Variants in PITPNC1 observed in about 807,000 individuals in gnomAD.
PITPNC1 encodes the protein phosphatidylinositol transfer protein cytoplasmic 1, also known as cytoplasmic phosphatidylinositol transfer protein 1.
PITPNC1 carries 18 observed loss-of-function variants against 44.7 expected under a neutral mutation model. The ratio of observed to expected loss-of-function variants is 0.40; its 90% confidence interval spans 0.28 to 0.60. PITPNC1 has a LOEUF of 0.60. Among genes scored for constraint, PITPNC1 ranks in the 20% least tolerant of loss-of-function variants. The pLI is 0.39. For missense variants in PITPNC1, 290 were observed against 418.4 expected (o/e 0.69, Z 2.68); for synonymous variants, 141 against 149.6 (o/e 0.94, Z 0.42).
intron 5 of PITPNC1, among the ~76,000 whole-genome samples, chr17:67,595,125 A>G (rs1431585620): frequency 6.6e-6 from 1 of 152,208 alleles, no homozygotes; most frequent in Admixed American, 6.5e-5. Context: ...GGATATTGAG[A>G]TGTACATCAT....
rs183909885 is a variant in PITPNC1, at chr17:67,504,080, A to C, written c.49-28722A>C. On this transcript the variant is annotated intron_variant, in intron 1 of 8. Transcript: ENST00000581322. Reference sequence around the variant, plus strand: ...TTCTGTGCTTTGGGAGAGACAGAGAAATGAGGGGTGTGGAGGAAGGTCAGA... The same window carrying C: ...TTCTGTGCTTTGGGAGAGACAGAGACATGAGGGGTGTGGAGGAAGGTCAGA... Among the ~76,000 whole-genome samples the C allele has an allele frequency of 6.2e-4, 95 of 152,212 alleles. No homozygotes were observed. In the East Asian group the frequency reaches 0.015, roughly 24 times the overall value.
In PITPNC1 at chr17:67,377,875, G is replaced by T; in HGVS notation, c.-280G>T. The T allele has an allele frequency of 2.6e-6, 1 of 379,008 alleles. No homozygotes were observed. Among genetic ancestry groups the T allele is most frequent in the Non-Finnish European group, 4.7e-6 (1 of 214,072 alleles). The allele number at this position is 379,008 out of a possible 1,614,324, so 23.5% of individuals were successfully genotyped here. A position where few individuals can be genotyped will look rare whatever the true frequency, so the allele number is the denominator to read the frequency against. ...AGCCGAGCAGAGTCGTCCCCAGCGG[G>T]TCTCCCTCCCTGCCTCCCTGACTTT... On this transcript the variant is annotated 5_prime_UTR_variant, in exon 1 of 9. Transcript: ENST00000581322.
intron 5 of PITPNC1, among the ~76,000 whole-genome samples, chr17:67,591,830 C>T (rs892354790): frequency 1.3e-4 from 19 of 151,994 alleles, no homozygotes; most frequent in African/African-American, 4.6e-4. Context: ...CCACCTCAGC[C>T]TTCTTAGTAG....
At chr17:67,490,767 C>T (rs2039853875) in intron 1 of PITPNC1, among the ~76,000 whole-genome samples, 2 of 152,186 alleles carry the variant, frequency 1.3e-5, no homozygotes, top group African/African-American at 4.8e-5. Context: ...GAGAACATAG[C>T]ACAGGACTCT....
chr17:67,413,485 T>C (rs1218207715), intron 1 of PITPNC1, among the ~76,000 whole-genome samples: 1 of 139,394 alleles, frequency 7.2e-6, no homozygotes, highest in Non-Finnish European at 1.6e-5. Flanking sequence ...CTTCTCGCTA[T>C]GCTCAGCCTG....
At chr17:67,589,175 C>T (rs1284171093) in intron 5 of PITPNC1, among the ~76,000 whole-genome samples, 4 of 152,118 alleles carry the variant, frequency 2.6e-5, no homozygotes, top group Non-Finnish European at 4.4e-5. Context: ...TAAGATGTGG[C>T]CACTGCTATT....
intron 5 of PITPNC1, among the ~76,000 whole-genome samples, chr17:67,614,906 A>G (rs564765768): frequency 3.2e-4 from 49 of 152,192 alleles, no homozygotes; most frequent in Non-Finnish European, 5.7e-4. Context: ...TCACGAGAGT[A>G]TATGTGAGAG....
chr17:67,558,045 A>C (rs2040861971), intron 4 of PITPNC1, among the ~76,000 whole-genome samples: 1 of 152,164 alleles, frequency 6.6e-6, no homozygotes, highest in African/African-American at 2.4e-5. Context: ...GGATGTCTAT[A>C]CTAGGATCCC....
At chr17:67,662,238 G>C (rs1008979667) in intron 6 of PITPNC1, among the ~76,000 whole-genome samples, 2 of 152,012 alleles carry the variant, frequency 1.3e-5, no homozygotes. Context: ...TGTATCACCT[G>C]AGGTCGGGAG....
At chr17:67,621,404 C>T (rs1355265614) in intron 5 of PITPNC1, among the ~76,000 whole-genome samples, 1 of 151,896 alleles carries the variant, frequency 6.6e-6, no homozygotes, top group South Asian at 2.1e-4. Flanking sequence ...GACGGGGTTT[C>T]GCCATGTTGG....
intron 1 of PITPNC1, among the ~76,000 whole-genome samples, chr17:67,408,396 G>T (rs2038432406): frequency 6.7e-6 from 1 of 149,646 alleles, no homozygotes; most frequent in African/African-American, 2.5e-5. Context: ...CAGGTGTGGT[G>T]GTGCATGCCT....
At chr17:67,421,273 G>GT (rs2143866358) in intron 1 of PITPNC1, among the ~76,000 whole-genome samples, 1 of 152,118 alleles carries the variant, frequency 6.6e-6, no homozygotes, top group South Asian at 2.1e-4. Flanking sequence ...ACAGAGAACG[G>GT]TAACTTTTAT....
At chr17:67,533,045 T>C in intron 2 of PITPNC1, 95 bp downstream of exon 2, 1 of 959,560 alleles carries the variant, frequency 1.0e-6, no homozygotes, top group Non-Finnish European at 1.6e-6. Flanking sequence ...GATGAAAAGG[T>C]CACTTGGAAA....
intron 1 of PITPNC1, among the ~76,000 whole-genome samples, chr17:67,497,484 T>C (rs2039968595): frequency 6.7e-6 from 1 of 149,886 alleles, no homozygotes; most frequent in Non-Finnish European, 1.5e-5. Context: ...TTTTTTTTTC[T>C]ATTACAAGTA....
intron 6 of PITPNC1, among the ~76,000 whole-genome samples, chr17:67,662,115 T>C (rs960650395): frequency 1.3e-5 from 2 of 152,188 alleles, no homozygotes; most frequent in African/African-American, 4.8e-5. Flanking sequence ...ATTTTTTAAA[T>C]GTTTATAATA....
At chr17:67,546,415 C>T (rs1176492905) in intron 2 of PITPNC1, among the ~76,000 whole-genome samples, 1 of 152,008 alleles carries the variant, frequency 6.6e-6, no homozygotes, top group Non-Finnish European at 1.5e-5. Flanking sequence ...CATCTGAGTA[C>T]TTAAGGACTT....
At chr17:67,444,874 G>C (rs1339318135) in intron 1 of PITPNC1, among the ~76,000 whole-genome samples, 3 of 152,018 alleles carry the variant, frequency 2.0e-5, no homozygotes, top group Non-Finnish European at 4.4e-5. Context: ...TCCAGCCTGG[G>C]CGACAGAGCG....
At chr17:67,460,484 C>T (rs1344192067) in intron 1 of PITPNC1, among the ~76,000 whole-genome samples, 1 of 151,836 alleles carries the variant, frequency 6.6e-6, no homozygotes, top group Non-Finnish European at 1.5e-5. Context: ...AGAGCAGTGG[C>T]CCGATCTCAG....
At chr17:67,563,623 G>T (rs1479851387) in intron 4 of PITPNC1, among the ~76,000 whole-genome samples, 2 of 152,170 alleles carry the variant, frequency 1.3e-5, no homozygotes, top group Admixed American at 6.5e-5. Context: ...TGGCCATTCT[G>T]TCCCTAATAT....
Sources: allele counts gnomAD v4.1 joint callset (sites outside exome capture counted in the v4.1 genomes callset), GRCh38; gene constraint gnomAD v4.1.1; transcripts MANE v1.5; gene names NCBI Gene and HGNC (gene_info 2026-07-23, HGNC 2026-07-21).